The following IQCM variants were observed in gnomAD, a reference collection of about 807,000 sequenced individuals.
IQCM encodes IQ motif containing M, also known as IQ domain-containing protein M.
A neutral mutation model predicts 57.6 loss-of-function variants in IQCM; 45 were observed. The ratio of observed to expected loss-of-function variants is 0.78; its 90% CI spans 0.62 to 1.00. IQCM has a LOEUF of 1.00. Among genes scored for constraint, IQCM ranks in the 50% least tolerant of loss-of-function variants. The pLI is 0.00. For synonymous variants in IQCM, 148 were observed against 158.9 expected (o/e 0.93, Z 0.51); for missense variants, 468 against 511.6 (o/e 0.91, Z 0.82).
intron 10 of IQCM, among the ~76,000 whole-genome samples, chr4:149,556,216 A>G (rs1163532076): frequency 6.6e-6 from 1 of 152,102 alleles, no homozygotes; most frequent in Non-Finnish European, 1.5e-5. Context: ...TGTTATCTTA[A>G]TGGACAAATG....
At chr4:149,716,590 C>A (rs2149843388) in intron 5 of IQCM, among the ~76,000 whole-genome samples, 1 of 152,284 alleles carries the variant, frequency 6.6e-6, no homozygotes, top group South Asian at 2.1e-4. Context: ...CCATGGAGCA[C>A]GTTGCCCCAG....
intron 2 of IQCM, among the ~76,000 whole-genome samples, chr4:149,788,603 A>C (rs1406324210): frequency 6.6e-6 from 1 of 152,188 alleles, no homozygotes; most frequent in Non-Finnish European, 1.5e-5. Flanking sequence ...TCAAAAAATT[A>C]AAAATAGAAC....
chr4:149,518,113 C>T (rs1377175434), intron 12 of IQCM, among the ~76,000 whole-genome samples: 1 of 152,136 alleles, frequency 6.6e-6, no homozygotes, highest in Non-Finnish European at 1.5e-5. Context: ...AGGCAAGCGA[C>T]ATGGCCAAGC....
intron 5 of IQCM, among the ~76,000 whole-genome samples, chr4:149,724,609 T>C (rs1420813025): frequency 6.6e-6 from 1 of 151,808 alleles, no homozygotes; most frequent in East Asian, 1.9e-4. Flanking sequence ...CACTCATACA[T>C]ATTTTTAACT....
chr4:149,545,206 G>A (rs530033680), intron 12 of IQCM, among the ~76,000 whole-genome samples: 9 of 151,812 alleles, frequency 5.9e-5, no homozygotes, highest in South Asian at 4.2e-4. Context: ...AAAAACGAGC[G>A]GGACTACCTC....
intron 6 of IQCM, among the ~76,000 whole-genome samples, chr4:149,684,908 G>A (rs1034522509): frequency 6.6e-6 from 1 of 151,322 alleles, no homozygotes; most frequent in Non-Finnish European, 1.5e-5. Context: ...GGCTTTACAT[G>A]CCCTGAGCTG....
chr4:149,769,537 T>G (rs572230965), intron 2 of IQCM, among the ~76,000 whole-genome samples: 1 of 150,288 alleles, frequency 6.7e-6, no homozygotes, highest in African/African-American at 2.5e-5. Context: ...AGCCCCAAAA[T>G]GTACAATGCT....
intron 10 of IQCM, among the ~76,000 whole-genome samples, chr4:149,560,794 G>C (rs917396779): frequency 1.3e-5 from 2 of 152,054 alleles, no homozygotes; most frequent in African/African-American, 2.4e-5. Flanking sequence ...AGACATTCTA[G>C]CAGACACTGT....
intron 7 of IQCM, among the ~76,000 whole-genome samples, chr4:149,627,517 C>A (rs1219212339): frequency 6.6e-6 from 1 of 152,156 alleles, no homozygotes; most frequent in Admixed American, 6.5e-5. Flanking sequence ...ACACACATTA[C>A]CTGACCTATG....
At chr4:149,550,540 T>G (rs1385812635) in intron 11 of IQCM, among the ~76,000 whole-genome samples, 1 of 152,224 alleles carries the variant, frequency 6.6e-6, no homozygotes, top group African/African-American at 2.4e-5. Flanking sequence ...ACTTTGAAAC[T>G]GTATAATTGA....
At chr4:149,516,741 G>A (rs184548040) in intron 12 of IQCM, among the ~76,000 whole-genome samples, 1 of 152,020 alleles carries the variant, frequency 6.6e-6, no homozygotes, top group East Asian at 2.0e-4. Flanking sequence ...TCCTGTTCCT[G>A]TTACATTACG....
In IQCM at chr4:149,401,322, T is replaced by C. The variant is rs114417263; in HGVS notation, c.1390+32074A>G. Among the ~76,000 whole-genome samples the C allele has an allele frequency of 3.3e-3, 494 of 151,952 alleles. 4 individuals carry two copies. The highest frequency in any genetic ancestry group is 0.011 in the African/African-American group (472 of 41,520). On this transcript the variant is annotated intron_variant, in intron 13 of 13. Transcript: ENST00000636793. Reference sequence around the variant, plus strand: ...AAAATAAATATAACTTTTAAATTCATATATATTATTTAGAATGGTCTTTAT... The same window carrying C: ...AAAATAAATATAACTTTTAAATTCACATATATTATTTAGAATGGTCTTTAT...
chr4:149,725,067 G>C (rs1053124378), intron 5 of IQCM, among the ~76,000 whole-genome samples: 1 of 151,828 alleles, frequency 6.6e-6, no homozygotes, highest in Non-Finnish European at 1.5e-5. Context: ...CAAAACTATG[G>C]GCATGTATTT....
At chr4:149,496,513 C>A (rs886230145) in intron 12 of IQCM, among the ~76,000 whole-genome samples, 1 of 151,884 alleles carries the variant, frequency 6.6e-6, no homozygotes, top group African/African-American at 2.4e-5. Context: ...AAGATGAAAG[C>A]AGAAATCAGA....
chr4:149,753,714 A>T (rs1171663792), intron 2 of IQCM, among the ~76,000 whole-genome samples: 1 of 151,236 alleles, frequency 6.6e-6, no homozygotes, highest in African/African-American at 2.4e-5. Context: ...CATGTACCCT[A>T]GAACTTAAAG....
intron 12 of IQCM, among the ~76,000 whole-genome samples, chr4:149,442,920 C>T (rs1368845121): frequency 2.7e-5 from 4 of 147,154 alleles, no homozygotes; most frequent in Non-Finnish European, 5.9e-5. Flanking sequence ...CAGGCTATCT[C>T]TCAATACACA....
At chr4:149,403,597 A>G (rs184211793) in intron 13 of IQCM, among the ~76,000 whole-genome samples, 152 of 151,898 alleles carry the variant, frequency 1.0e-3, no homozygotes, top group African/African-American at 3.6e-3. Context: ...TGGGAAATGC[A>G]TTGCTAATTA....
intron 12 of IQCM, among the ~76,000 whole-genome samples, chr4:149,473,346 T>C (rs544813324): frequency 5.3e-5 from 8 of 152,202 alleles, no homozygotes; most frequent in Non-Finnish European, 1.0e-4. Flanking sequence ...AAAGAAGACA[T>C]TTATGCAGCC....
At chr4:149,412,439 G>A (rs1733454398) in intron 13 of IQCM, among the ~76,000 whole-genome samples, 2 of 152,194 alleles carry the variant, frequency 1.3e-5, no homozygotes, top group South Asian at 4.1e-4. Flanking sequence ...TTGAGTCATT[G>A]TGCACTGACC....
Sources: gnomAD v4.1 joint callset for allele counts (sites outside exome capture counted in the v4.1 genomes callset) on GRCh38, gnomAD v4.1.1 for gene constraint, MANE v1.5 for transcripts, NCBI Gene and HGNC (gene_info 2026-07-23, HGNC 2026-07-21) for gene names.